CCDC187: variants seen among roughly 807,000 people sequenced by gnomAD.
CCDC187 encodes coiled-coil domain-containing protein 187.
In CCDC187, 32 loss-of-function variants were observed where a neutral mutation model predicts 38.0. That is an observed-to-expected ratio of 0.84 (90% CI 0.64 to 1.13). The LOEUF is 1.13. Among genes scored for constraint, CCDC187 ranks in the 50% most tolerant of loss-of-function variants. The probability of loss-of-function intolerance (pLI) is 0.00; values close to 1 mark genes in which losing one functional copy is unlikely to be tolerated. For missense variants in CCDC187, 707 were observed against 786.8 expected (o/e 0.90, Z 1.21); for synonymous variants, 333 against 347.9 (o/e 0.96, Z 0.48).
At chr9:136,277,508 TGGGTGGGTGCTCATA>T (rs1830956606) in intron 10 of CCDC187, among the ~76,000 whole-genome samples, 1 of 3,262 alleles carries the variant, frequency 3.1e-4, no homozygotes, top group Non-Finnish European at 6.1e-4. Context: ...GCTGAGGGGG[TGGGTGGGTGCTCATA>T]GGGTGGGTGG....
In CCDC187 at chr9:136,302,807, C is replaced by A. The variant is rs1831717665; in HGVS notation, c.625+5G>T. 4 of 399,010 alleles carry A rather than the reference C, an allele frequency of 1.0e-5. No homozygotes were observed. In the East Asian group the frequency reaches 1.4e-4, roughly 14 times the overall value. The allele number at this position is 399,010 out of a possible 1,614,324, so 24.7% of individuals were successfully genotyped here. On this transcript the variant is annotated splice_donor_5th_base_variant and intron_variant, in intron 2 of 25. Transcript: ENST00000638797. The stretch of plus-strand genomic sequence containing the variant: ...CTGCCCCTCTCTGGCAAAGTGGCCA[C>A]TGACCTGAGCATTCAGGGGCTGGAG...
intron 17 of CCDC187, among the ~76,000 whole-genome samples, chr9:136,265,140 G>A (rs1300708945): frequency 3.9e-5 from 6 of 152,178 alleles, no homozygotes; most frequent in Non-Finnish European, 5.9e-5. Flanking sequence ...CAGCGGCCGC[G>A]ACCTGTGAGG....
intron 15 of CCDC187, 102 bp from the exon 16 acceptor site, chr9:136,267,613 GA>G (rs1487307943): frequency 1.2e-5 from 12 of 985,430 alleles, no homozygotes; most frequent in Non-Finnish European, 4.8e-6. Context: ...CTAGCTTCTA[GA>G]CCGCTCCCAG....
chr9:136,302,759 C>T (rs985383536), intron 2 of CCDC187, 53 bp downstream of exon 2: 347,772 of 399,076 alleles, frequency 0.87, 151,826 homozygotes, highest in East Asian at 0.94. Flanking sequence ...GCTTTCCACC[C>T]TCCCGACAGC....
intron 3 of CCDC187, among the ~76,000 whole-genome samples, chr9:136,299,222 G>A (rs1300327027): frequency 6.6e-6 from 1 of 152,174 alleles, no homozygotes; most frequent in Non-Finnish European, 1.5e-5. Context: ...AGATGGCTCT[G>A]TCCCCTGCTC....
chr9:136,266,043 C>A lies in CCDC187; in HGVS notation c.3648G>T (p.Gly1216=), dbSNP rs1319150424. The A allele has an allele frequency of 1.0e-6, 1 of 985,432 alleles. No homozygotes were observed. Among genetic ancestry groups the A allele is most frequent in the Admixed American group, 6.1e-5 (1 of 16,276 alleles). 61.0% of individuals were successfully genotyped at this position (985,432 alleles called of 1,614,324 possible). A position where few individuals can be genotyped will look rare whatever the true frequency, so the allele number is the denominator to read the frequency against. ...CTCTGTCCCTCTTGCTGTCCAGGCA[C>A]CTGGGGGGAGGTGGCAACATCACTG... ...AELAWLEHRR[G]CLDSKRDRAV... Residue 1216 remains glycine, a splice_region_variant and synonymous_variant, in exon 17 of 26, where the codon GGG becomes GGT. Transcript: ENST00000638797.
intron 4 of CCDC187, among the ~76,000 whole-genome samples, chr9:136,293,134 T>G (rs1456015983): frequency 6.7e-6 from 1 of 149,918 alleles, no homozygotes. Context: ...AACACTCACA[T>G]GCTCACACAC....
chr9:136,259,307 G>GAGGGGACCAAGATGAA, intron 21 of CCDC187, 56 bp downstream of exon 21: 1 of 729,084 alleles, frequency 1.4e-6, no homozygotes, highest in African/African-American at 2.0e-5. Flanking sequence ...TGTTGGGGGG[G>GAGGGGACCAAGATGAA]GGTGGTCCCT....
chr9:136,296,400 G>A (rs1831535908), intron 4 of CCDC187: 1 of 152,244 alleles, frequency 6.6e-6, no homozygotes, highest in African/African-American at 2.4e-5. Flanking sequence ...AGCTGCCCAG[G>A]CGTGGCCCCA....
At chr9:136,267,606 G>C (rs1470555113) in intron 15 of CCDC187, 95 bp from the exon 16 acceptor site, 1 of 985,420 alleles carries the variant, frequency 1.0e-6, no homozygotes, top group African/African-American at 1.7e-5. Context: ...TCACCGCCTA[G>C]CTTCTAGACC....
At chr9:136,297,276 C>A (rs1289307008) in intron 4 of CCDC187, among the ~76,000 whole-genome samples, 1 of 150,390 alleles carries the variant, frequency 6.6e-6, no homozygotes, top group African/African-American at 2.5e-5. Context: ...GCTACGGGTG[C>A]CGTGAGCTGC....
Position 136,290,757 on chromosome 9 carries a change from G to A in CCDC187, c.1856C>T (p.Thr619Met), listed in dbSNP as rs1020466681. 1.3e-4 allele frequency: 50 copies of A among 398,514 alleles called. No individual in the cohort carries two copies. Among genetic ancestry groups the A allele is most frequent in the Admixed American group, 2.6e-4 (6 of 22,744 alleles). The allele number at this position is 398,514 out of a possible 1,614,324, so 24.7% of individuals were successfully genotyped here. The change falls in exon 6 of 26, where the codon ACG becomes ATG. Residue 619 changes from threonine to methionine, a missense_variant. Transcript: ENST00000638797. ...PQNPLGKEKD[T>M]LRPCPRSRGL... The stretch of plus-strand genomic sequence containing the variant: ...CCGGGACCTGGGGCAGGGCCGCAGC[G>A]TGTCCTTCTCCTTCCCAAGTGGGTT...
rs190207598 is a variant in CCDC187, at chr9:136,271,941, C to T, written c.3442+2717G>A. Among the ~76,000 whole-genome samples the T allele has an allele frequency of 1.1e-4, 16 of 152,190 alleles. No individual in the cohort carries two copies. In the East Asian group the frequency reaches 2.9e-3, roughly 28 times the overall value. The stretch of plus-strand genomic sequence containing the variant: ...AAAAGCAGCCAGAGAAACAAAGACA[C>T]GGTGATGTACTGACGAACCAAGAAG... On this transcript the variant is annotated intron_variant, in intron 14 of 25. Transcript: ENST00000638797.
rs1182229936 is a variant in CCDC187, at chr9:136,294,024, TCACA to T, written c.833-1733_833-1730del. Reference sequence around the variant, plus strand: ...CATATACACACGCCCTCACATGCTCTCACACACACACTCATATACACACGCCCTC... The same window carrying T: ...CATATACACACGCCCTCACATGCTCTCACACACTCATATACACACGCCCTC... On this transcript the variant is annotated intron_variant, in intron 4 of 25. Transcript: ENST00000638797. Among the ~76,000 whole-genome samples the T allele has an allele frequency of 8.5e-3, 1,239 of 145,136 alleles. 11 individuals carry two copies. The highest frequency in any genetic ancestry group is 0.031 in the African/African-American group (1,191 of 38,518).
chr9:136,269,124 T>C (rs1030104327), intron 14 of CCDC187, among the ~76,000 whole-genome samples: 2 of 152,170 alleles, frequency 1.3e-5, no homozygotes, highest in Non-Finnish European at 1.5e-5. Context: ...ACAGAAGCGT[T>C]CCGGGGGACT....
At chr9:136,263,562 G>T (rs1453290729) in intron 18 of CCDC187, 60 bp downstream of exon 18, 1 of 979,850 alleles carries the variant, frequency 1.0e-6, no homozygotes, top group African/African-American at 1.7e-5. Context: ...GGACTTGCAC[G>T]ATCATGGGAA....
At chr9:136,290,194 C>T in intron 6 of CCDC187, 141 bp from the exon 7 acceptor site, 1 of 397,816 alleles carries the variant, frequency 2.5e-6, no homozygotes. Flanking sequence ...CGGGGTCCCA[C>T]TTCAGGGGCT....
chr9:136,269,594 G>A (rs147619967), intron 14 of CCDC187, among the ~76,000 whole-genome samples: 2,596 of 152,260 alleles, frequency 0.017, 68 homozygotes, highest in African/African-American at 0.058. Flanking sequence ...GTTGCAGTGA[G>A]CTGAGATTGC....
rs1393053710 is a variant in CCDC187 at position 136,303,196 on chromosome 9, C to G, written c.241G>C (p.Gly81Arg). 3 of 398,568 alleles carry G rather than the reference C, an allele frequency of 7.5e-6. No homozygotes were observed. Among genetic ancestry groups the G allele is most frequent in the Middle Eastern group, 6.3e-4 (1 of 1,590 alleles). 24.7% of individuals were successfully genotyped at this position (398,568 alleles called of 1,614,324 possible). A position where few individuals can be genotyped will look rare whatever the true frequency, so the allele number is the denominator to read the frequency against. Residue 81 changes from glycine (G) to arginine (R), a missense_variant, in exon 2 of 26, where the codon GGG (glycine) becomes CGG (arginine). Gly to Arg is a moderately radical substitution (Grantham distance 125). Coordinates refer to ENST00000638797, the MANE Select transcript of CCDC187 (RefSeq NM_001378188.1). The part of the protein sequence containing the change: ...DPPWAAPHVV[G>R]SDDLKEPGPW... ...CCTGGTTCCTTGAGGTCGTCAGACCCGACCACGTGGGGAGCTGCCCAGGGT... is the reference window on the plus strand; with the variant it reads ...CCTGGTTCCTTGAGGTCGTCAGACCGGACCACGTGGGGAGCTGCCCAGGGT...
Sources: allele counts gnomAD v4.1 joint callset (sites outside exome capture counted in the v4.1 genomes callset), GRCh38; gene constraint gnomAD v4.1.1; transcripts MANE v1.5; gene names NCBI Gene and HGNC (gene_info 2026-07-23, HGNC 2026-07-21).